The following PHACTR2 variants were observed in gnomAD, a reference collection of about 807,000 sequenced individuals.
PHACTR2 encodes the protein phosphatase and actin regulator 2, also known as chromosome 6 open reading frame 56.
Under a neutral mutation model 76.0 loss-of-function variants are expected in PHACTR2, and 30 were observed. That is an observed-to-expected ratio of 0.39 (90% CI 0.30 to 0.54). PHACTR2 has a LOEUF of 0.54. PHACTR2 is among the 20% of genes least tolerant of loss of function. The probability of loss-of-function intolerance (pLI) is 0.61; values close to 1 mark genes in which losing one functional copy is unlikely to be tolerated. For synonymous variants in PHACTR2, 292 were observed against 292.5 expected, an observed-to-expected ratio of 1.00 and a Z score of 0.02; for missense variants, 696 against 781.1, an observed-to-expected ratio of 0.89 and a Z score of 1.30.
Position 143,537,160 on chromosome 6 carries a change from C to A in PHACTR2, c.170C>A (p.Ser57Ter). The A allele has an allele frequency of 9.2e-6, 3 of 326,390 alleles. No homozygotes were observed. The highest frequency in any genetic ancestry group is 8.2e-5 in the East Asian group (1 of 12,252). The allele number at this position is 326,390 out of a possible 1,614,324, so 20.2% of individuals were successfully genotyped here. Reference sequence around the variant, plus strand: ...GGCCGCTCACAGAGCGACCTCTCGTCGTCCTCGAGCAGGGGCCGCCCGCTC... The same window carrying A: ...GGCCGCTCACAGAGCGACCTCTCGTAGTCCTCGAGCAGGGGCCGCCCGCTC... Residue 57 changes from serine (S) to a stop codon, truncating the protein, a stop_gained, in exon 1 of 12, where the codon TCG (serine) becomes TAG (stop). Transcript: ENST00000367584. LOFTEE classifies it high-confidence loss of function. This position sits in a 1 kb window ranked among gnomAD's most constrained non-coding sequence, Gnocchi z 4.4.
At position 143,700,308 on chromosome 6, in the gene PHACTR2, A is replaced by G. The variant is rs1405971967; in HGVS notation, c.47-11708A>G. Among the ~76,000 whole-genome samples, 1 of 152,122 alleles carries G rather than the reference A, an allele frequency of 6.6e-6. No homozygotes were observed. Among genetic ancestry groups the G allele is most frequent in the Non-Finnish European group, 1.5e-5 (1 of 68,022 alleles). ...GGTGGCTCATGCCTGTAAACCAAACACTTTGGGAGGCTGAGGTGGGCGGAT... is the reference window on the plus strand; with the variant it reads ...GGTGGCTCATGCCTGTAAACCAAACGCTTTGGGAGGCTGAGGTGGGCGGAT... On this transcript the variant is annotated intron_variant, in intron 1 of 12. Transcript: ENST00000440869. This position sits in a 1 kb window ranked among gnomAD's most constrained non-coding sequence, Gnocchi z 4.1.
intron 2 of PHACTR2, among the ~76,000 whole-genome samples, chr6:143,741,300 C>T (rs1778936493): frequency 8.1e-6 from 1 of 124,204 alleles, no homozygotes. Flanking sequence ...CAATACCAGC[C>T]TGGCCAACAT....
rs865876378 is a variant in PHACTR2 at position 143,820,317 on chromosome 6, A to T, written c.1923-3357A>T. 1.3e-5 allele frequency among the ~76,000 whole-genome samples: 2 copies of T among 152,338 alleles called. No homozygotes were observed. Reference sequence around the variant, plus strand: ...TAATTCATTCCAGCATTAACTCAAAAGTTCAAAATCTCATCTGAAAAAAGG... The same window carrying T: ...TAATTCATTCCAGCATTAACTCAAATGTTCAAAATCTCATCTGAAAAAAGG... On this transcript the variant is annotated intron_variant, in intron 12 of 12. Coordinates refer to ENST00000440869, the MANE Select transcript of PHACTR2 (RefSeq NM_001100164.2). This position sits in a 1 kb window ranked among gnomAD's most constrained non-coding sequence, Gnocchi z 4.2.
At position 143,695,017 on chromosome 6, in the gene PHACTR2, G is replaced by T. The variant is rs759654849; in HGVS notation, c.46+16808G>T. 1.1e-4 allele frequency among the ~76,000 whole-genome samples: 17 copies of T among 152,170 alleles called. No individual in the cohort carries two copies. Among genetic ancestry groups the T allele is most frequent in the Non-Finnish European group, 2.2e-4 (15 of 68,032 alleles). Reference sequence around the variant, plus strand: ...GAAAAAGGTCCCTCAAGCTGGTTAAGCACACAAATAAGAATTGGGTGCATC... The same window carrying T: ...GAAAAAGGTCCCTCAAGCTGGTTAATCACACAAATAAGAATTGGGTGCATC... On this transcript the variant is annotated intron_variant, in intron 1 of 12. Coordinates refer to ENST00000440869, the MANE Select transcript of PHACTR2 (RefSeq NM_001100164.2). The surrounding 1 kb of genome is among the most constrained non-coding windows in gnomAD (Gnocchi z 4.4).
At chr6:143,682,783 G>A (rs1161992567) in intron 1 of PHACTR2, among the ~76,000 whole-genome samples, 1 of 137,524 alleles carries the variant, frequency 7.3e-6, no homozygotes, top group Non-Finnish European at 1.6e-5. Flanking sequence ...TTTGTTTTTT[G>A]TTTTTTGTTT....
intron 1 of PHACTR2, among the ~76,000 whole-genome samples, chr6:143,632,685 G>C (rs540819071): frequency 6.6e-6 from 1 of 152,296 alleles, no homozygotes; most frequent in Non-Finnish European, 1.5e-5. Context: ...TACATTCACT[G>C]ATACAGTGTT....
At position 143,789,801 on chromosome 6, in the gene PHACTR2, G is replaced by A. The variant is rs1196372134; in HGVS notation, c.1845+891G>A. 2.6e-5 allele frequency among the ~76,000 whole-genome samples: 4 copies of A among 152,106 alleles called. No homozygotes were observed. In the South Asian group the frequency reaches 6.2e-4, roughly 24 times the overall value. Reference sequence around the variant, plus strand: ...ATTTAAAATACCTGCTATGCATCAAGCATATACTGGAGATACAGATTCAGA... The same window carrying A: ...ATTTAAAATACCTGCTATGCATCAAACATATACTGGAGATACAGATTCAGA... On this transcript the variant is annotated intron_variant, in intron 11 of 12. Transcript: ENST00000440869. The surrounding 1 kb of genome is among the most constrained non-coding windows in gnomAD (Gnocchi z 5.1).
chr6:143,567,420 A>T (rs180709897), intron 1 of PHACTR2, among the ~76,000 whole-genome samples: 36 of 152,230 alleles, frequency 2.4e-4, no homozygotes, highest in Middle Eastern at 6.8e-3. Flanking sequence ...TTATTTTGAG[A>T]CAGAGTCTTG....
In PHACTR2 at chr6:143,826,085, TCTA is replaced by T. The variant is rs1195378073; in HGVS notation, c.*2399_*2401del. 6.6e-6 allele frequency: 1 copy of T among 152,068 alleles called. No individual in the cohort carries two copies. The highest frequency in any genetic ancestry group is 1.5e-5 in the Non-Finnish European group (1 of 68,024). The allele number at this position is 152,068 out of a possible 1,614,324, so 9.4% of individuals were successfully genotyped here. On this transcript the variant is annotated 3_prime_UTR_variant, in exon 13 of 13. Coordinates refer to ENST00000440869, the MANE Select transcript of PHACTR2 (RefSeq NM_001100164.2). The stretch of plus-strand genomic sequence containing the variant: ...AAAAAAAAAAATTAGCCACTGCTAG[TCTA>T]CTGTTTAGGTAATCGGAATCACCAA...
rs963939674 is a variant in PHACTR2 at position 143,828,782 on chromosome 6, G to GCATCATCCCATGCAT, written c.*5096_*5097insCATCCCATGCATCAT. ...TCTTTGCTGTACAGAATCATCCCAT[G>GCATCATCCCATGCAT]CATTGCCAGATGTTTAATATCCCAG... On this transcript the variant is annotated 3_prime_UTR_variant, in exon 13 of 13. Coordinates refer to ENST00000440869, the MANE Select transcript of PHACTR2 (RefSeq NM_001100164.2). This position sits in a 1 kb window ranked among gnomAD's most constrained non-coding sequence, Gnocchi z 4.7. 8 of 152,108 alleles carry GCATCATCCCATGCAT rather than the reference G, an allele frequency of 5.3e-5. No individual in the cohort carries two copies. Among genetic ancestry groups the GCATCATCCCATGCAT allele is most frequent in the Admixed American group, 4.6e-4 (7 of 15,272 alleles). 9.4% of individuals were successfully genotyped at this position (152,108 alleles called of 1,614,324 possible).
chr6:143,575,832 A>C (rs1267377095), intron 1 of PHACTR2, among the ~76,000 whole-genome samples: 1 of 152,242 alleles, frequency 6.6e-6, no homozygotes, highest in Non-Finnish European at 1.5e-5. Context: ...GCAGAGTACA[A>C]TTGATTCTTA....
At chr6:143,769,604 T>C (rs1775042981) in intron 6 of PHACTR2, among the ~76,000 whole-genome samples, 3 of 152,110 alleles carry the variant, frequency 2.0e-5, no homozygotes, top group African/African-American at 7.2e-5. Context: ...CCTTATACAA[T>C]AGAATACTTG....
At position 143,610,482 on chromosome 6, in the gene PHACTR2, C is replaced by T. The variant is rs1036465870; in HGVS notation, c.13+2160C>T. On this transcript the variant is annotated intron_variant, in intron 1 of 11. Coordinates refer to the PHACTR2 transcript ENST00000305766. This position sits in a 1 kb window ranked among gnomAD's most constrained non-coding sequence, Gnocchi z 4.9. Reference sequence around the variant, plus strand: ...GGATCATTAGTTTCAAGGAGCCAGACCTTCTTCTAGCAAGGCTTTCTGTGT... The same window carrying T: ...GGATCATTAGTTTCAAGGAGCCAGATCTTCTTCTAGCAAGGCTTTCTGTGT... 6.6e-6 allele frequency among the ~76,000 whole-genome samples: 1 copy of T among 152,194 alleles called. No individual in the cohort carries two copies. Among genetic ancestry groups the T allele is most frequent in the Admixed American group, 6.5e-5 (1 of 15,272 alleles).
At chr6:143,564,429 CATTTT>C (rs758812060) in intron 1 of PHACTR2, among the ~76,000 whole-genome samples, 26 of 151,828 alleles carry the variant, frequency 1.7e-4, no homozygotes, top group Admixed American at 3.3e-4. Flanking sequence ...CATGATTAGT[CATTTT>C]ATTTATTTTA....
Position 143,821,144 on chromosome 6 carries a change from A to G in PHACTR2, c.1923-2530A>G, listed in dbSNP as rs1267001393. On this transcript the variant is annotated intron_variant, in intron 12 of 12. Coordinates refer to ENST00000440869, the MANE Select transcript of PHACTR2 (RefSeq NM_001100164.2). This position sits in a 1 kb window ranked among gnomAD's most constrained non-coding sequence, Gnocchi z 5.2. ...AGAGTGATGTTGCCTCTGTGTATCA[A>G]ATGCAGGCATGGCGGTCCTCACATC... Among the ~76,000 whole-genome samples the G allele has an allele frequency of 6.6e-6, 1 of 152,234 alleles. No homozygotes were observed. Among genetic ancestry groups the G allele is most frequent in the Non-Finnish European group, 1.5e-5 (1 of 68,040 alleles).
rs1778979489 is a variant in PHACTR2, at chr6:143,743,057, A to G, written c.215-5928A>G. ...TTTGCAGATGAGGACGCTGAGGCACAGAGAAGTTGGTTGAAAGTGCTTTTG... is the reference window on the plus strand; with the variant it reads ...TTTGCAGATGAGGACGCTGAGGCACGGAGAAGTTGGTTGAAAGTGCTTTTG... On this transcript the variant is annotated intron_variant, in intron 2 of 12. Coordinates refer to ENST00000440869, the MANE Select transcript of PHACTR2 (RefSeq NM_001100164.2). This position sits in a 1 kb window ranked among gnomAD's most constrained non-coding sequence, Gnocchi z 5.0. 6.6e-6 allele frequency among the ~76,000 whole-genome samples: 1 copy of G among 152,252 alleles called. No homozygotes were observed. The highest frequency in any genetic ancestry group is 1.5e-5 in the Non-Finnish European group (1 of 68,042).
In PHACTR2 at chr6:143,562,647, T is replaced by A. The variant is rs895991776; in HGVS notation, c.217+25440T>A. ...AAGGGTAATAATCCTGTCTTAAAATTTATGTATATACAATTCATGCCACAG... is the reference window on the plus strand; with the variant it reads ...AAGGGTAATAATCCTGTCTTAAAATATATGTATATACAATTCATGCCACAG... On this transcript the variant is annotated intron_variant, in intron 1 of 11. Transcript: ENST00000367584. The surrounding 1 kb of genome is among the most constrained non-coding windows in gnomAD (Gnocchi z 5.1). Among the ~76,000 whole-genome samples, 1 of 152,174 alleles carries A rather than the reference T, an allele frequency of 6.6e-6. No individual in the cohort carries two copies.
At chr6:143,687,900 C>G (rs1766382287) in intron 1 of PHACTR2, among the ~76,000 whole-genome samples, 1 of 152,166 alleles carries the variant, frequency 6.6e-6, no homozygotes, top group Admixed American at 6.5e-5. Context: ...ATGCAGCAAA[C>G]AGTTCCTAAA....
rs762738126 is a variant in PHACTR2 at position 143,807,016 on chromosome 6, C to G, written c.1846-41C>G. 3 of 1,155,076 alleles carry G rather than the reference C, an allele frequency of 2.6e-6. No individual in the cohort carries two copies. The highest frequency in any genetic ancestry group is 1.9e-5 in the Admixed American group (1 of 52,876). The allele number at this position is 1,155,076 out of a possible 1,614,324, so 71.6% of individuals were successfully genotyped here. On this transcript the variant is annotated intron_variant, in intron 11 of 12. Transcript: ENST00000440869. The surrounding 1 kb of genome is among the most constrained non-coding windows in gnomAD (Gnocchi z 5.5). ...TGTATATACTGGGGCAATATATGAC[C>G]TAAATAACAGTTCTGTTTATCTATT...
Sources: gnomAD v4.1 joint callset for allele counts (sites outside exome capture counted in the v4.1 genomes callset) on GRCh38, gnomAD v4.1.1 for gene constraint, Gnocchi (gnomAD v3.1) non-coding constraint, MANE v1.5 for transcripts, NCBI Gene and HGNC (gene_info 2026-07-23, HGNC 2026-07-21) for gene names.